Variants in CAMK1D observed in about 807,000 individuals in gnomAD.
CAMK1D encodes the protein calcium/calmodulin-dependent protein kinase type 1D.
In CAMK1D, 9 loss-of-function variants were observed where a neutral mutation model predicts 47.7. That is an observed-to-expected ratio of 0.19 (90% CI 0.11 to 0.33). The LOEUF (loss-of-function observed/expected upper bound fraction) is 0.33. CAMK1D is among the 10% of genes least tolerant of loss of function. The pLI is 1.00. For synonymous variants in CAMK1D, 184 were observed against 184.9 expected, an observed-to-expected ratio of 0.99 and a Z score of 0.04; for missense variants, 291 against 488.7, an observed-to-expected ratio of 0.60 and a Z score of 3.81.
intron 2 of CAMK1D, among the ~76,000 whole-genome samples, chr10:12,610,234 C>T (rs1015119140): frequency 1.3e-5 from 2 of 152,154 alleles, no homozygotes; most frequent in African/African-American, 2.4e-5. Flanking sequence ...GCCTGATCTC[C>T]GGAGTCATGG....
intron 5 of CAMK1D, among the ~76,000 whole-genome samples, chr10:12,783,409 C>A (rs965515297): frequency 6.6e-6 from 1 of 152,212 alleles, no homozygotes; most frequent in Admixed American, 6.5e-5. Flanking sequence ...GTGTGAAGGA[C>A]AGAGAGGAGA....
At chr10:12,449,070 C>T (rs1196015478) in intron 1 of CAMK1D, among the ~76,000 whole-genome samples, 1 of 152,146 alleles carries the variant, frequency 6.6e-6, no homozygotes, top group East Asian at 1.9e-4. Flanking sequence ...TCTATTACGT[C>T]ATGTTACTAT....
Position 12,734,570 on chromosome 10 carries a change from G to GTATA in CAMK1D, c.300-26367_300-26364dup, listed in dbSNP as rs372727529. On this transcript the variant is annotated intron_variant, in intron 3 of 10. Transcript: ENST00000619168. ...TATATGTATATATATACACATATGT[G>GTATA]TATATATATATATAGACACAAACCT... Among the ~76,000 whole-genome samples, 162 of 143,896 alleles carry GTATA rather than the reference G, an allele frequency of 1.1e-3. 1 individual carries two copies. In the Middle Eastern group the frequency reaches 0.018, roughly 16 times the overall value. The allele number at this position is 143,896 out of a possible 152,430, so 94.4% of individuals were successfully genotyped here.
At chr10:12,673,674 T>C (rs1291253467) in intron 3 of CAMK1D, among the ~76,000 whole-genome samples, 3 of 152,248 alleles carry the variant, frequency 2.0e-5, no homozygotes, top group Admixed American at 6.5e-5. Context: ...CATAATAATA[T>C]GTCTTAAAAT....
chr10:12,674,049 G>A (rs1382596903), intron 3 of CAMK1D, among the ~76,000 whole-genome samples: 1 of 152,034 alleles, frequency 6.6e-6, no homozygotes, highest in East Asian at 1.9e-4. Context: ...GGGCTCAAGC[G>A]ATTCTTCCAC....
chr10:12,809,733 G>C (rs1402810650), intron 6 of CAMK1D, among the ~76,000 whole-genome samples: 1 of 152,188 alleles, frequency 6.6e-6, no homozygotes, highest in Non-Finnish European at 1.5e-5. Context: ...AGGGACTGGA[G>C]GGAGAGACAT....
chr10:12,558,693 G>A (rs1472731965), intron 2 of CAMK1D, among the ~76,000 whole-genome samples: 1 of 152,186 alleles, frequency 6.6e-6, no homozygotes, highest in Non-Finnish European at 1.5e-5. Context: ...TGGGGGCTGA[G>A]AGAAGCAAAC....
chr10:12,689,967 G>A (rs975277882), intron 3 of CAMK1D, among the ~76,000 whole-genome samples: 7 of 152,128 alleles, frequency 4.6e-5, no homozygotes, highest in East Asian at 1.9e-4. Flanking sequence ...ATTAACATAC[G>A]GAGGGCTGTC....
intron 1 of CAMK1D, among the ~76,000 whole-genome samples, chr10:12,529,492 G>A (rs1835735390): frequency 6.6e-6 from 1 of 152,188 alleles, no homozygotes; most frequent in Non-Finnish European, 1.5e-5. Flanking sequence ...CTGGCAAATT[G>A]GGACAAAGGG....
chr10:12,621,173 C>T (rs186512230), intron 2 of CAMK1D, among the ~76,000 whole-genome samples: 7 of 152,312 alleles, frequency 4.6e-5, no homozygotes, highest in Admixed American at 2.6e-4. Context: ...CTAACAGTAC[C>T]ACACTGTCTG....
At chr10:12,405,136 G>A (rs980050838) in intron 1 of CAMK1D, among the ~76,000 whole-genome samples, 4 of 152,142 alleles carry the variant, frequency 2.6e-5, no homozygotes, top group Admixed American at 6.5e-5. Flanking sequence ...TTTAGCCTGA[G>A]CCATCGTATT....
At chr10:12,629,741 C>A (rs1056579671) in intron 2 of CAMK1D, among the ~76,000 whole-genome samples, 1 of 152,222 alleles carries the variant, frequency 6.6e-6, no homozygotes, top group Non-Finnish European at 1.5e-5. Context: ...ACATTCATTT[C>A]TCTGGGCTCA....
intron 3 of CAMK1D, among the ~76,000 whole-genome samples, chr10:12,671,729 A>G (rs1332670909): frequency 6.6e-6 from 1 of 151,852 alleles, no homozygotes; most frequent in Non-Finnish European, 1.5e-5. Flanking sequence ...TATATATTTT[A>G]TATACAAATA....
chr10:12,355,093 T>A (rs1351616640), intron 1 of CAMK1D, among the ~76,000 whole-genome samples: 2 of 152,034 alleles, frequency 1.3e-5, no homozygotes, highest in Middle Eastern at 3.2e-3. Context: ...TCCTCCTACT[T>A]TGGGCTCCCA....
At chr10:12,475,590 A>C (rs1237727319) in intron 1 of CAMK1D, among the ~76,000 whole-genome samples, 1 of 152,070 alleles carries the variant, frequency 6.6e-6, no homozygotes, top group Non-Finnish European at 1.5e-5. Flanking sequence ...TGTGAACATG[A>C]GTGTACAAAT....
chr10:12,817,785 T>C (rs1832856514), intron 8 of CAMK1D, among the ~76,000 whole-genome samples: 1 of 152,124 alleles, frequency 6.6e-6, no homozygotes, highest in Non-Finnish European at 1.5e-5. Flanking sequence ...CCGCCTCCTG[T>C]ATTCAAGGGA....
At position 12,403,549 on chromosome 10, in the gene CAMK1D, C is replaced by G. The variant is rs1178811535; in HGVS notation, c.92+53639C>G. Among the ~76,000 whole-genome samples the G allele has an allele frequency of 2.6e-5, 4 of 152,202 alleles. No individual in the cohort carries two copies. The East Asian group carries it at 7.7e-4, about 29-fold the overall frequency. ...CATGAACAGCTATTCTATAAAGACT[C>G]AAAATTTACTATTGAATGTAAATCT... On this transcript the variant is annotated intron_variant, in intron 1 of 10. Transcript: ENST00000619168.
intron 1 of CAMK1D, among the ~76,000 whole-genome samples, chr10:12,505,900 G>T (rs938824783): frequency 6.6e-6 from 1 of 151,940 alleles, no homozygotes; most frequent in African/African-American, 2.4e-5. Context: ...CCAGTCCTCC[G>T]CACATCACAT....
At chr10:12,564,147 G>GTCTCTCTCTCTCTCTC (rs56063700) in intron 2 of CAMK1D, among the ~76,000 whole-genome samples, 1 of 139,622 alleles carries the variant, frequency 7.2e-6, no homozygotes, top group East Asian at 2.3e-4. Flanking sequence ...CTCTCTCTCT[G>GTCTCTCTCTCTCTCTC]TCTCTCTCTC....
Sources: allele counts gnomAD v4.1 joint callset (sites outside exome capture counted in the v4.1 genomes callset), GRCh38; gene constraint gnomAD v4.1.1; transcripts MANE v1.5; gene names NCBI Gene and HGNC (gene_info 2026-07-23, HGNC 2026-07-21).